GOPC: variants seen among roughly 807,000 people sequenced by gnomAD.
The protein encoded by GOPC is golgi associated PDZ and coiled-coil motif containing, also known as Golgi-associated PDZ and coiled-coil motif-containing protein.
Under a neutral mutation model 51.2 loss-of-function variants are expected in GOPC, and 32 were observed. That is an observed-to-expected ratio of 0.63 (90% CI 0.47 to 0.84). The LOEUF (loss-of-function observed/expected upper bound fraction) is 0.84, where lower values mean the gene tolerates loss of function less well. Among genes scored for constraint, GOPC ranks in the 40% least tolerant of loss-of-function variants. GOPC has a pLI of 0.00. For missense variants in GOPC, 441 were observed against 555.5 expected (o/e 0.79, Z 2.07); for synonymous variants, 190 against 205.1 (o/e 0.93, Z 0.63).
chr6:117,597,699 G>A (rs1279919415), intron 1 of GOPC, among the ~76,000 whole-genome samples: 1 of 152,174 alleles, frequency 6.6e-6, no homozygotes, highest in East Asian at 1.9e-4. Flanking sequence ...CAGTCACATG[G>A]ATATCATTTG....
At chr6:117,572,847 A>ATTT (rs1779825817) in intron 5 of GOPC, among the ~76,000 whole-genome samples, 1 of 152,244 alleles carries the variant, frequency 6.6e-6, no homozygotes, top group African/African-American at 2.4e-5. Context: ...ATTTAAGGCC[A>ATTT]TACATTATCT....
intron 8 of GOPC, among the ~76,000 whole-genome samples, 167 bp from the exon 9 acceptor site, chr6:117,563,551 G>A (rs539536303): frequency 7.9e-5 from 12 of 151,922 alleles, no homozygotes; most frequent in African/African-American, 1.4e-4. Context: ...GTGAAACCCC[G>A]TCTCTATTAA....
intron 1 of GOPC, among the ~76,000 whole-genome samples, chr6:117,591,833 T>C (rs1780122420): frequency 6.6e-6 from 1 of 152,168 alleles, no homozygotes; most frequent in Non-Finnish European, 1.5e-5. Context: ...GAATTAGGTT[T>C]GTCTTTTTAA....
At chr6:117,591,121 G>C (rs1455262564) in intron 1 of GOPC, among the ~76,000 whole-genome samples, 1 of 152,092 alleles carries the variant, frequency 6.6e-6, no homozygotes, top group Non-Finnish European at 1.5e-5. Flanking sequence ...CAAAGTGCTG[G>C]GATTACAGGC....
intron 1 of GOPC, among the ~76,000 whole-genome samples, chr6:117,600,165 A>C (rs1423594293): frequency 6.6e-6 from 1 of 152,208 alleles, no homozygotes. Flanking sequence ...TCTTGCTGGC[A>C]GGGGATCTGT....
intron 7 of GOPC, among the ~76,000 whole-genome samples, chr6:117,567,960 G>A (rs1027416323): frequency 6.7e-6 from 1 of 150,206 alleles, no homozygotes; most frequent in African/African-American, 2.5e-5. Context: ...GGAGGCTGAG[G>A]CAGGTGGATC....
chr6:117,578,913 A>T lies in GOPC; in HGVS notation c.437T>A (p.Ile146Asn). 6.3e-7 allele frequency: 1 copy of T among 1,588,614 alleles called. No individual in the cohort carries two copies. Among genetic ancestry groups the T allele is most frequent in the Non-Finnish European group, 8.6e-7 (1 of 1,168,078 alleles). ...KTGQSADSGTIKAKLSGPSVE... is the reference protein window; with the variant it reads ...KTGQSADSGTNKAKLSGPSVE... Reference sequence around the variant, plus strand: ...TAAACTACTTACCAATTTTGCCTTAATGGTACCAGAGTCAGCACTTTGACC... The same window carrying T: ...TAAACTACTTACCAATTTTGCCTTATTGGTACCAGAGTCAGCACTTTGACC... Residue 146 changes from isoleucine to asparagine, a missense_variant, in exon 2 of 9, where the codon ATT becomes AAT. Physicochemically the swap from Ile to Asn is moderately radical, Grantham distance 149 (BLOSUM62 -3). Around this residue, in one of 3 missense-constraint regions of GOPC, gnomAD observed 204 missense variants for 219.8 expected, o/e 0.93. Transcript: ENST00000368498.
chr6:117,575,078 C>CA, intron 4 of GOPC, 99 bp downstream of exon 4: 1 of 995,626 alleles, frequency 1.0e-6, no homozygotes, highest in Non-Finnish European at 1.5e-6. Flanking sequence ...GACTCCATCT[C>CA]AAAAAAATAA....
intron 1 of GOPC, among the ~76,000 whole-genome samples, chr6:117,586,118 TAC>T (rs1334596099): frequency 2.0e-5 from 3 of 152,202 alleles, no homozygotes; most frequent in African/African-American, 7.2e-5. Flanking sequence ...AGGATGAAAG[TAC>T]AGATTGGAAT....
rs531171609 is a variant in GOPC at position 117,579,083 on chromosome 6, G to A, written c.286-19C>T. 2 of 1,569,308 alleles carry A rather than the reference G, an allele frequency of 1.3e-6. No homozygotes were observed. Among genetic ancestry groups the A allele is most frequent in the Non-Finnish European group, 1.7e-6 (2 of 1,160,906 alleles). ...ACTGTGCCTTATAAAGAAAACAATA[G>A]AAGAAATTAAGGATGCTTAATTTTC... On this transcript the variant is annotated intron_variant, in intron 1 of 8. Coordinates refer to ENST00000368498, the MANE Select transcript of GOPC (RefSeq NM_020399.4).
At chr6:117,563,734 T>TAAAAAAA (rs754335178) in intron 8 of GOPC, among the ~76,000 whole-genome samples, 1 of 131,210 alleles carries the variant, frequency 7.6e-6, no homozygotes. Context: ...TTAAAAAAAT[T>TAAAAAAA]AAAAAAAAAA....
At chr6:117,599,080 C>G (rs910290265) in intron 1 of GOPC, among the ~76,000 whole-genome samples, 2 of 151,888 alleles carry the variant, frequency 1.3e-5, no homozygotes, top group Non-Finnish European at 2.9e-5. Flanking sequence ...AAAAAGTAAC[C>G]TATGATTTTT....
chr6:117,591,598 T>C (rs1780117794), intron 1 of GOPC, among the ~76,000 whole-genome samples: 3 of 152,184 alleles, frequency 2.0e-5, no homozygotes, highest in African/African-American at 7.2e-5. Flanking sequence ...GTGTGTTTGA[T>C]ACTGTAGACA....
intron 6 of GOPC, among the ~76,000 whole-genome samples, chr6:117,570,043 AT>A (rs2114607809): frequency 6.6e-6 from 1 of 152,320 alleles, no homozygotes; most frequent in South Asian, 2.1e-4. Context: ...CACAAAAATA[AT>A]TTTAAGATTA....
At chr6:117,596,705 T>C (rs1780203069) in intron 1 of GOPC, among the ~76,000 whole-genome samples, 1 of 152,206 alleles carries the variant, frequency 6.6e-6, no homozygotes, top group Non-Finnish European at 1.5e-5. Context: ...TGACTGTAAG[T>C]ATTTGGCTTT....
In GOPC at chr6:117,579,914, C is replaced by A. The variant is rs1016938188; in HGVS notation, c.286-850G>T. On this transcript the variant is annotated intron_variant, in intron 1 of 8. Coordinates refer to ENST00000368498, the MANE Select transcript of GOPC (RefSeq NM_020399.4). ...TTATGCCCTTGACAAGCTTTCATAT[C>A]AACTGGGTTGATAAATACACATGTG... Among the ~76,000 whole-genome samples the A allele has an allele frequency of 3.3e-5, 5 of 152,092 alleles. No homozygotes were observed. In the South Asian group the frequency reaches 1.0e-3, roughly 31 times the overall value.
intron 1 of GOPC, among the ~76,000 whole-genome samples, chr6:117,594,899 T>C (rs1780171565): frequency 6.6e-6 from 1 of 152,222 alleles, no homozygotes; most frequent in Admixed American, 6.5e-5. Flanking sequence ...TTTTTTAAAG[T>C]ATTGGTTCAC....
rs370053200 is a variant in GOPC at position 117,589,290 on chromosome 6, C to A, written c.286-10226G>T. ...AAGAGCTTGAATTTTATTCAAAAAG[C>A]AATTGATGAATTTATGTTTTCTTAT... On this transcript the variant is annotated intron_variant, in intron 1 of 8. Coordinates refer to ENST00000368498, the MANE Select transcript of GOPC (RefSeq NM_020399.4). Among the ~76,000 whole-genome samples, 85 of 152,284 alleles carry A rather than the reference C, an allele frequency of 5.6e-4. 1 individual carries two copies. The South Asian group carries it at 0.017, about 31-fold the overall frequency.
chr6:117,571,012 G>C (rs1353453503), intron 5 of GOPC, 57 bp from the exon 6 acceptor site: 3 of 798,638 alleles, frequency 3.8e-6, no homozygotes, highest in Non-Finnish European at 6.3e-6. Flanking sequence ...ATACCAAATA[G>C]AGTAAACTCA....
Sources: allele counts gnomAD v4.1 joint callset (sites outside exome capture counted in the v4.1 genomes callset), GRCh38; gene constraint gnomAD v4.1.1; regional missense constraint gnomAD v4.1.1; transcripts MANE v1.5; gene names NCBI Gene and HGNC (gene_info 2026-07-23, HGNC 2026-07-21).